STUM: variants seen among roughly 807,000 people sequenced by gnomAD.
The protein encoded by STUM is protein stum homolog.
In STUM, 8 loss-of-function variants were observed where a neutral mutation model predicts 15.3. The ratio of observed to expected loss-of-function variants is 0.52; its 90% CI spans 0.31 to 0.94. The LOEUF (loss-of-function observed/expected upper bound fraction) is 0.94. STUM is among the 40% of genes least tolerant of loss of function. The probability of loss-of-function intolerance (pLI) is 0.05; values close to 1 mark genes in which losing one functional copy is unlikely to be tolerated. For synonymous variants in STUM, 78 were observed against 88.7 expected, an observed-to-expected ratio of 0.88 and a Z score of 0.68; for missense variants, 142 against 204.9, an observed-to-expected ratio of 0.69 and a Z score of 1.87.
chr1:226,565,839 G>A lies in STUM; in HGVS notation c.202+16733G>A, dbSNP rs1343867255. Among the ~76,000 whole-genome samples the A allele has an allele frequency of 1.3e-5, 2 of 152,226 alleles. No individual in the cohort carries two copies. Among genetic ancestry groups the A allele is most frequent in the African/African-American group, 4.8e-5 (2 of 41,456 alleles). Reference sequence around the variant, plus strand: ...TCCCAAGAAACCCAGATGGCTGGAAGCATCGCTGCCTTCCCGGAATGTCAT... The same window carrying A: ...TCCCAAGAAACCCAGATGGCTGGAAACATCGCTGCCTTCCCGGAATGTCAT... On this transcript the variant is annotated intron_variant, in intron 1 of 3. Coordinates refer to ENST00000366788, the MANE Select transcript of STUM (RefSeq NM_001003665.4). The surrounding 1 kb of genome is among the most constrained non-coding windows in gnomAD (Gnocchi z 4.4).
intron 1 of STUM, among the ~76,000 whole-genome samples, chr1:226,569,304 C>T (rs1667669678): frequency 6.6e-6 from 1 of 152,098 alleles, no homozygotes; most frequent in South Asian, 2.1e-4. Context: ...TTATTATTAT[C>T]CTTAGAATTT....
chr1:226,593,631 G>A (rs1390109556), intron 1 of STUM, among the ~76,000 whole-genome samples: 1 of 152,118 alleles, frequency 6.6e-6, no homozygotes, highest in South Asian at 2.1e-4. Context: ...CCCCAGAAAG[G>A]AAGCTCCAGC....
intron 1 of STUM, among the ~76,000 whole-genome samples, chr1:226,584,941 A>G (rs562492756): frequency 6.6e-6 from 1 of 152,328 alleles, no homozygotes; most frequent in African/African-American, 2.4e-5. Context: ...CATTTTTACA[A>G]TATTTTGCTT....
chr1:226,554,160 A>G (rs1406290886), intron 1 of STUM, among the ~76,000 whole-genome samples: 3 of 152,192 alleles, frequency 2.0e-5, no homozygotes, highest in Non-Finnish European at 4.4e-5. Flanking sequence ...AAGTTCTGAC[A>G]TTGTTCTTTT....
intron 1 of STUM, among the ~76,000 whole-genome samples, chr1:226,586,427 C>G (rs972941297): frequency 6.6e-6 from 1 of 152,116 alleles, no homozygotes; most frequent in Non-Finnish European, 1.5e-5. Flanking sequence ...ATGGTGGGCA[C>G]GACATCCATG....
chr1:226,592,913 C>T lies in STUM; in HGVS notation c.203-3889C>T, dbSNP rs147171367. Among the ~76,000 whole-genome samples, 46 of 152,198 alleles carry T rather than the reference C, an allele frequency of 3.0e-4. No homozygotes were observed. The East Asian group carries it at 7.2e-3, about 24-fold the overall frequency. On this transcript the variant is annotated intron_variant, in intron 1 of 3. Coordinates refer to ENST00000366788, the MANE Select transcript of STUM (RefSeq NM_001003665.4). ...TTAAATCCACCCTGCCACTTGGGCG[C>T]GGTGGCTCGCGCCTGTAATCCCAGC...
Position 226,608,377 on chromosome 1 carries a change from C to A in STUM, c.*6337C>A, listed in dbSNP as rs1358733700. The A allele has an allele frequency of 6.6e-6, 1 of 152,204 alleles. No homozygotes were observed. Among genetic ancestry groups the A allele is most frequent in the East Asian group, 1.9e-4 (1 of 5,194 alleles). 9.4% of individuals were successfully genotyped at this position (152,204 alleles called of 1,614,324 possible). On this transcript the variant is annotated 3_prime_UTR_variant, in exon 4 of 4. Coordinates refer to ENST00000366788, the MANE Select transcript of STUM (RefSeq NM_001003665.4). The surrounding 1 kb of genome is among the most constrained non-coding windows in gnomAD (Gnocchi z 4.0). ...CGTCACCCCAGAAGGCCTGGGCACC[C>A]ATGAGAACCTGTGGCCAGCCCTTTT...
intron 1 of STUM, among the ~76,000 whole-genome samples, chr1:226,554,476 A>G (rs779147598): frequency 8.5e-5 from 13 of 152,236 alleles, no homozygotes; most frequent in Non-Finnish European, 1.9e-4. Context: ...ATGAACTGAA[A>G]TAGTTGATGT....
rs1206418857 is a variant in STUM, at chr1:226,605,948, T to G, written c.*3908T>G. On this transcript the variant is annotated 3_prime_UTR_variant, in exon 4 of 4. Transcript: ENST00000366788. The surrounding 1 kb of genome is among the most constrained non-coding windows in gnomAD (Gnocchi z 4.0). ...GGCTCCAGCCATGCTGGCACAGGCA[T>G]CTCAGAGGTGTGAGATGAACTCCGC... is the stretch of plus-strand genomic sequence containing the variant. 1 of 152,182 alleles carries G rather than the reference T, an allele frequency of 6.6e-6. No individual in the cohort carries two copies. The highest frequency in any genetic ancestry group is 2.4e-5 in the African/African-American group (1 of 41,430). The allele number at this position is 152,182 out of a possible 1,614,324, so 9.4% of individuals were successfully genotyped here.
intron 1 of STUM, among the ~76,000 whole-genome samples, chr1:226,559,810 A>G (rs1667507721): frequency 6.6e-6 from 1 of 152,154 alleles, no homozygotes; most frequent in Admixed American, 6.5e-5. Context: ...CGTCTCTACT[A>G]AAAATACAAA....
intron 1 of STUM, among the ~76,000 whole-genome samples, chr1:226,591,850 A>T (rs1668090799): frequency 6.6e-6 from 1 of 152,142 alleles, no homozygotes; most frequent in Non-Finnish European, 1.5e-5. Context: ...TCCTAGGCTG[A>T]AAGAGTGAGG....
At chr1:226,588,197 G>A (rs1668026529) in intron 1 of STUM, among the ~76,000 whole-genome samples, 1 of 152,168 alleles carries the variant, frequency 6.6e-6, no homozygotes, top group African/African-American at 2.4e-5. Flanking sequence ...TGCACACAGT[G>A]CTGGGTCTAC....
intron 1 of STUM, among the ~76,000 whole-genome samples, chr1:226,551,379 T>A (rs1338653506): frequency 6.6e-6 from 1 of 152,228 alleles, no homozygotes; most frequent in Non-Finnish European, 1.5e-5. Context: ...TCTGGACCAC[T>A]CAGAAGCAAA....
At chr1:226,560,006 G>A (rs192702276) in intron 1 of STUM, among the ~76,000 whole-genome samples, 208 of 151,848 alleles carry the variant, frequency 1.4e-3, no homozygotes, top group Middle Eastern at 6.8e-3. Context: ...AGGTATGATG[G>A]CGGGCGCCTG....
At chr1:226,575,776 AC>A (rs1033341801) in intron 1 of STUM, among the ~76,000 whole-genome samples, 2 of 152,218 alleles carry the variant, frequency 1.3e-5, no homozygotes, top group Non-Finnish European at 2.9e-5. Context: ...AGTCTGAACC[AC>A]CAAAATATCA....
rs991039003 is a variant in STUM, at chr1:226,567,725, G to C, written c.202+18619G>C. The stretch of plus-strand genomic sequence containing the variant: ...CATTTAAAAGTGGAAGCGTGCCAGC[G>C]TGAGATGGATGATTCTGCCGAGGGG... On this transcript the variant is annotated intron_variant, in intron 1 of 3. Coordinates refer to ENST00000366788, the MANE Select transcript of STUM (RefSeq NM_001003665.4). This position sits in a 1 kb window ranked among gnomAD's most constrained non-coding sequence, Gnocchi z 4.5. Among the ~76,000 whole-genome samples the C allele has an allele frequency of 3.3e-5, 5 of 152,156 alleles. No individual in the cohort carries two copies. Among genetic ancestry groups the C allele is most frequent in the Non-Finnish European group, 5.9e-5 (4 of 68,026 alleles).
intron 1 of STUM, among the ~76,000 whole-genome samples, chr1:226,555,532 C>T (rs537036514): frequency 1.3e-5 from 2 of 152,318 alleles, no homozygotes; most frequent in East Asian, 3.9e-4. Flanking sequence ...CATGCCCAAT[C>T]TGTTAGGAAG....
In STUM at chr1:226,606,270, A is replaced by G. The variant is rs1668356227; in HGVS notation, c.*4230A>G. ...CTCTTTAAAATACAAAACACCCACA[A>G]AGCCAAAAACCCTGAAACATGTTCT... On this transcript the variant is annotated 3_prime_UTR_variant, in exon 4 of 4. Coordinates refer to ENST00000366788, the MANE Select transcript of STUM (RefSeq NM_001003665.4). 6.6e-6 allele frequency: 1 copy of G among 152,094 alleles called. No homozygotes were observed. Among genetic ancestry groups the G allele is most frequent in the African/African-American group, 2.4e-5 (1 of 41,382 alleles). The allele number at this position is 152,094 out of a possible 1,614,324, so 9.4% of individuals were successfully genotyped here.
intron 1 of STUM, among the ~76,000 whole-genome samples, chr1:226,551,557 C>T (rs536666108): frequency 1.6e-4 from 25 of 152,374 alleles, no homozygotes; most frequent in African/African-American, 6.0e-4. Context: ...CCCAGATCCA[C>T]TTCTCCAAGG....
Sources: allele counts gnomAD v4.1 joint callset (sites outside exome capture counted in the v4.1 genomes callset), GRCh38; gene constraint gnomAD v4.1.1; non-coding constraint Gnocchi (gnomAD v3.1); transcripts MANE v1.5; gene names NCBI Gene and HGNC (gene_info 2026-07-23, HGNC 2026-07-21).